Variants in LTBR observed in about 807,000 individuals in gnomAD.
The protein encoded by LTBR is lymphotoxin beta receptor.
LTBR carries 15 observed loss-of-function variants against 45.4 expected under a neutral mutation model. That is an observed-to-expected ratio of 0.33 (90% confidence interval 0.22 to 0.51). LTBR has a LOEUF of 0.51. Ranked by LOEUF, LTBR falls within the 20% of genes least tolerant of loss-of-function variation. LTBR has a pLI of 0.97. For synonymous variants in LTBR, 228 were observed against 231.0 expected, an observed-to-expected ratio of 0.99 and a Z score of 0.12; for missense variants, 450 against 565.5, an observed-to-expected ratio of 0.80 and a Z score of 2.07.
intron 8 of LTBR, chr12:6,389,846 T>A: frequency 2.3e-5 from 8 of 349,796 alleles, no homozygotes; most frequent in Non-Finnish European, 3.2e-5. Flanking sequence ...TCCCAGCTAC[T>A]CAGGAGGCTG....
chr12:6,379,095 TTTA>T (rs1948950313), intron 1 of LTBR, among the ~76,000 whole-genome samples: 1 of 152,154 alleles, frequency 6.6e-6, no homozygotes, highest in Non-Finnish European at 1.5e-5. Context: ...TTTACTATTA[TTTA>T]TTATTATTAT....
In LTBR at chr12:6,391,156, G is replaced by T. The variant is rs921545956; in HGVS notation, c.*219G>T. 4.6e-6 allele frequency: 2 copies of T among 436,726 alleles called. No homozygotes were observed. Among genetic ancestry groups the T allele is most frequent in the East Asian group, 7.2e-5 (2 of 27,616 alleles). 27.1% of individuals were successfully genotyped at this position (436,726 alleles called of 1,614,324 possible). A position where few individuals can be genotyped will look rare whatever the true frequency, so the allele number is the denominator to read the frequency against. Reference sequence around the variant, plus strand: ...TGCCTGAGCAAACCTGAGGCCTCCCGGCAGACCCACCCACCCCCTGGGGCT... The same window carrying T: ...TGCCTGAGCAAACCTGAGGCCTCCCTGCAGACCCACCCACCCCCTGGGGCT... On this transcript the variant is annotated 3_prime_UTR_variant, in exon 10 of 10. Transcript: ENST00000228918.
At chr12:6,377,201 A>T (rs934966248) in intron 1 of LTBR, 15 of 1,511,958 alleles carry the variant, frequency 9.9e-6, no homozygotes, top group Middle Eastern at 1.7e-4. Context: ...GCGACTTCTT[A>T]AAGTGAAAGC....
At position 6,385,009 on chromosome 12, in the gene LTBR, A is replaced by G; in HGVS notation, c.194-13A>G. Reference sequence around the variant, plus strand: ...TCGTCTCCTGAGGCTCTACTGCTCCACTCACGTTCTAGGCACCTATGTCTC... The same window carrying G: ...TCGTCTCCTGAGGCTCTACTGCTCCGCTCACGTTCTAGGCACCTATGTCTC... On this transcript the variant is annotated splice_polypyrimidine_tract_variant and intron_variant, in intron 2 of 9. Coordinates refer to ENST00000228918, the MANE Select transcript of LTBR (RefSeq NM_002342.3). 6.2e-7 allele frequency: 1 copy of G among 1,614,074 alleles called. No homozygotes were observed. Among genetic ancestry groups the G allele is most frequent in the East Asian group, 2.2e-5 (1 of 44,884 alleles).
At chr12:6,387,072 A>G (rs1456372728) in intron 6 of LTBR, 1 of 152,324 alleles carries the variant, frequency 6.6e-6, no homozygotes, top group Non-Finnish European at 1.5e-5. Context: ...GTTAAGTGAT[A>G]TACTCAAGAT....
chr12:6,384,743 C>T, intron 2 of LTBR, 59 bp downstream of exon 2: 1 of 1,496,142 alleles, frequency 6.7e-7, no homozygotes, highest in Non-Finnish European at 9.3e-7. Flanking sequence ...GGGCTCCAGC[C>T]CCCTCGCGGC....
intron 8 of LTBR, chr12:6,389,065 A>G (rs1949081036): frequency 2.0e-6 from 1 of 494,760 alleles, no homozygotes; most frequent in Admixed American, 3.4e-5. Flanking sequence ...AAGTTAAACT[A>G]TATATCAGGT....
intron 1 of LTBR, chr12:6,377,178 G>A (rs1948926681): frequency 7.7e-7 from 1 of 1,300,276 alleles, no homozygotes; most frequent in Non-Finnish European, 1.1e-6. Flanking sequence ...TTCCTCTCTT[G>A]CGGCAGTCTC....
rs1949044647 is a variant in LTBR at position 6,386,180 on chromosome 12, C to T, written c.569+18C>T. On this transcript the variant is annotated intron_variant, in intron 5 of 9. Transcript: ENST00000228918. This position sits in a 1 kb window ranked among gnomAD's most constrained non-coding sequence, Gnocchi z 4.1. Reference sequence around the variant, plus strand: ...CACACCAGGTGAGTGCAGCCCCACCCAAGCTCCTTCCACCCTCTGAGAAGC... The same window carrying T: ...CACACCAGGTGAGTGCAGCCCCACCTAAGCTCCTTCCACCCTCTGAGAAGC... 1.3e-6 allele frequency: 2 copies of T among 1,598,804 alleles called. No individual in the cohort carries two copies. The highest frequency in any genetic ancestry group is 1.1e-5 in the South Asian group (1 of 90,682).
At chr12:6,377,222 C>G (rs896060947) in intron 1 of LTBR, 1 of 1,540,732 alleles carries the variant, frequency 6.5e-7, no homozygotes, top group Non-Finnish European at 8.8e-7. Flanking sequence ...CGGTGTCAAC[C>G]AGGATTCCAA....
At chr12:6,383,983 G>C (rs570214866), upstream of LTBR, 595 of 1,104,164 alleles carry the variant, frequency 5.4e-4, 2 homozygotes, top group Middle Eastern at 6.6e-3. Context: ...TCTCCCGATC[G>C]GGCTTCCGAA....
chr12:6,387,679 A>C (rs903573053), intron 6 of LTBR: 2 of 274,594 alleles, frequency 7.3e-6, no homozygotes, highest in Non-Finnish European at 1.5e-5. Context: ...GCTGACGGAC[A>C]CTGGAGGCTC....
At chr12:6,385,678 G>A (rs1592098837) in intron 4 of LTBR, 1 of 424,502 alleles carries the variant, frequency 2.4e-6, no homozygotes, top group Non-Finnish European at 4.3e-6. Context: ...AGGCCGAGGT[G>A]GGCGGATCAC....
intron 9 of LTBR, 102 bp from the exon 10 acceptor site, chr12:6,390,558 G>T (rs1159450099): frequency 8.0e-7 from 1 of 1,242,250 alleles, no homozygotes; most frequent in African/African-American, 1.5e-5. Flanking sequence ...AGCAGGAGAG[G>T]GGCGGGGCCA....
rs774625223 is a variant in LTBR, at chr12:6,388,516, G to A, written c.775+11G>A. On this transcript the variant is annotated intron_variant, in intron 7 of 9. Coordinates refer to ENST00000228918, the MANE Select transcript of LTBR (RefSeq NM_002342.3). The surrounding 1 kb of genome is among the most constrained non-coding windows in gnomAD (Gnocchi z 4.3). Reference sequence around the variant, plus strand: ...TCTGCAGGAAACTGGGTAGGAAAGGGTTGGATGCAGTGGATGGTTGGCAAT... The same window carrying A: ...TCTGCAGGAAACTGGGTAGGAAAGGATTGGATGCAGTGGATGGTTGGCAAT... 1.2e-5 allele frequency: 20 copies of A among 1,607,880 alleles called. No individual in the cohort carries two copies. The Admixed American group carries it at 2.8e-4, about 23-fold the overall frequency.
At chr12:6,377,279 T>C in intron 1 of LTBR, 2 of 1,550,484 alleles carry the variant, frequency 1.3e-6, no homozygotes, top group Non-Finnish European at 1.7e-6. Context: ...TACCTCCCCT[T>C]GGAAGGGACA....
At chr12:6,375,547 C>A (rs776185619) in exon 1 of LTBR, 2 of 1,534,942 alleles carry the variant, frequency 1.3e-6, no homozygotes, top group Non-Finnish European at 1.7e-6. Context: ...GCCCGCTGGC[C>A]GGCCAGGGAT....
In LTBR at chr12:6,388,633, T is replaced by A; in HGVS notation, c.775+128T>A. The A allele has an allele frequency of 9.1e-7, 1 of 1,101,444 alleles. No homozygotes were observed. The highest frequency in any genetic ancestry group is 1.4e-6 in the Non-Finnish European group (1 of 729,848). The allele number at this position is 1,101,444 out of a possible 1,614,324, so 68.2% of individuals were successfully genotyped here. On this transcript the variant is annotated intron_variant, in intron 7 of 9. Transcript: ENST00000228918. This position sits in a 1 kb window ranked among gnomAD's most constrained non-coding sequence, Gnocchi z 4.3. Reference sequence around the variant, plus strand: ...CCTACCCCCAACATAGACATCCTTATCTTCATCCAGCTGCTTATTCTGAGG... The same window carrying A: ...CCTACCCCCAACATAGACATCCTTAACTTCATCCAGCTGCTTATTCTGAGG...
chr12:6,388,361 G>A lies in LTBR; in HGVS notation c.668-37G>A, dbSNP rs1949072633. On this transcript the variant is annotated intron_variant, in intron 6 of 9. Coordinates refer to ENST00000228918, the MANE Select transcript of LTBR (RefSeq NM_002342.3). This position sits in a 1 kb window ranked among gnomAD's most constrained non-coding sequence, Gnocchi z 4.3. ...TCTCCTCCTCCCCTCTGCCCTTCTT[G>A]GGGCTGTGATCACCCTCCTGTCTGC... The A allele has an allele frequency of 6.7e-7, 1 of 1,494,030 alleles. No homozygotes were observed. Among genetic ancestry groups the A allele is most frequent in the Non-Finnish European group, 9.3e-7 (1 of 1,072,128 alleles). 92.5% of individuals were successfully genotyped at this position (1,494,030 alleles called of 1,614,324 possible). A position where few individuals can be genotyped will look rare whatever the true frequency, so the allele number is the denominator to read the frequency against.
Sources: gnomAD v4.1 joint callset for allele counts (sites outside exome capture counted in the v4.1 genomes callset) on GRCh38, gnomAD v4.1.1 for gene constraint, Gnocchi (gnomAD v3.1) non-coding constraint, MANE v1.5 for transcripts, NCBI Gene and HGNC (gene_info 2026-07-23, HGNC 2026-07-21) for gene names.